Variants in VAX2 observed in about 807,000 individuals in gnomAD.
VAX2 encodes ventral anterior homeobox 2.
Under a neutral mutation model 12.5 loss-of-function variants are expected in VAX2, and 8 were observed. The observed-to-expected ratio is 0.64, with a 90% CI of 0.37 to 1.15. VAX2 has a LOEUF of 1.15. Ranked by LOEUF, VAX2 falls within the 50% of genes most tolerant of loss-of-function variation. The probability of loss-of-function intolerance (pLI) is 0.01; values close to 1 mark genes in which losing one functional copy is unlikely to be tolerated. For synonymous variants in VAX2, 183 were observed against 187.6 expected, an observed-to-expected ratio of 0.98 and a Z score of 0.20; for missense variants, 476 against 412.9, an observed-to-expected ratio of 1.15 and a Z score of -1.32.
At position 70,916,515 on chromosome 2, in the gene VAX2, A is replaced by T. The variant is rs992692125; in HGVS notation, c.248-4583A>T. On this transcript the variant is annotated intron_variant, in intron 1 of 2. Transcript: ENST00000234392. ...CACCACAAAGGAACTTCCTCTTACT[A>T]CTCATTGATGGCCAGGTCCTTCCTC... is the stretch of plus-strand genomic sequence containing the variant. Among the ~76,000 whole-genome samples the T allele has an allele frequency of 2.0e-5, 3 of 152,052 alleles. No individual in the cohort carries two copies. In the East Asian group the frequency reaches 5.8e-4, roughly 29 times the overall value.
At position 70,921,259 on chromosome 2, in the gene VAX2, C is replaced by A; in HGVS notation, c.409C>A (p.Arg137Ser). 1 of 1,611,024 alleles carries A rather than the reference C, an allele frequency of 6.2e-7. No individual in the cohort carries two copies. Among genetic ancestry groups the A allele is most frequent in the Non-Finnish European group, 8.5e-7 (1 of 1,178,946 alleles). Residue 137 changes from arginine to serine, a missense_variant, in exon 2 of 3, where the codon CGC (arginine) becomes AGC (serine). By Grantham distance (110) the Arg-to-Ser change is moderately radical (BLOSUM62 -1). Coordinates refer to ENST00000234392, the MANE Select transcript of VAX2 (RefSeq NM_012476.3). ...GGGCCGCGAGCGCACTGAGCTGGCC[C>A]GCCAGCTGAACCTCTCCGAGACCCA... ...VVGRERTELA[R>S]QLNLSETQVK...
At chr2:70,919,056 GC>G (rs1426330431) in intron 1 of VAX2, among the ~76,000 whole-genome samples, 4 of 151,388 alleles carry the variant, frequency 2.6e-5, no homozygotes, top group Non-Finnish European at 5.9e-5. Flanking sequence ...ACAAAAATTA[GC>G]CAGGCATGGT....
rs566985371 is a variant in VAX2, at chr2:70,932,837, C to A, written c.506C>A (p.Ala169Glu). ...KDQSRDLEKR[A>E]SSSASEAFAT... is the part of the protein sequence containing the mutation. ...CAGAGCAGAGACCTGGAGAAGCGGG[C>A]GTCCTCCTCAGCCTCCGAGGCCTTT... The change falls in exon 3 of 3, where the codon GCG becomes GAG. Residue 169 changes from alanine to glutamate, a missense_variant. Ala to Glu is a moderately radical substitution (Grantham distance 107). Transcript: ENST00000234392. 71 of 1,612,404 alleles carry A rather than the reference C, an allele frequency of 4.4e-5. No homozygotes were observed. Among genetic ancestry groups the A allele is most frequent in the Admixed American group, 1.0e-4 (6 of 59,848 alleles).
intron 1 of VAX2, among the ~76,000 whole-genome samples, chr2:70,917,668 T>C (rs1553412203): frequency 6.6e-6 from 1 of 152,210 alleles, no homozygotes; most frequent in African/African-American, 2.4e-5. Context: ...GTGGCAAGTC[T>C]GAGGTTGCCT....
At chr2:70,926,745 A>G (rs1198745323) in intron 2 of VAX2, among the ~76,000 whole-genome samples, 3 of 152,182 alleles carry the variant, frequency 2.0e-5, no homozygotes, top group Non-Finnish European at 4.4e-5. Flanking sequence ...TGACCAGATG[A>G]TGTGATCACC....
At chr2:70,917,382 CCATTTATTCTGGG>C (rs533632561) in intron 1 of VAX2, among the ~76,000 whole-genome samples, 206 of 151,436 alleles carry the variant, frequency 1.4e-3, no homozygotes, top group African/African-American at 4.7e-3. Flanking sequence ...GAATAAATGC[CCATTTATTCTGGG>C]CATTTATTCT....
chr2:70,904,973 GGGGGCGCAGCTTC>G lies in VAX2; in HGVS notation c.247+4111_247+4123del, dbSNP rs1553410401. On this transcript the variant is annotated intron_variant, in intron 1 of 2. Transcript: ENST00000234392. The surrounding 1 kb of genome is among the most constrained non-coding windows in gnomAD (Gnocchi z 4.2). ...AGACGCGTCTGAAGAAGCCATACAA[GGGGGCGCAGCTTC>G]GGGGCTCTGGCTGGGAGGTTACTGC... 6.6e-6 allele frequency among the ~76,000 whole-genome samples: 1 copy of G among 152,226 alleles called. No homozygotes were observed. The highest frequency in any genetic ancestry group is 2.4e-5 in the African/African-American group (1 of 41,468).
chr2:70,908,132 T>TAC (rs1679100272), intron 1 of VAX2, among the ~76,000 whole-genome samples: 1 of 152,262 alleles, frequency 6.6e-6, no homozygotes, highest in Non-Finnish European at 1.5e-5. Context: ...TCGAAAGATT[T>TAC]ACACACACAA....
chr2:70,919,067 T>C (rs1679380871), intron 1 of VAX2, among the ~76,000 whole-genome samples: 1 of 151,054 alleles, frequency 6.6e-6, no homozygotes, highest in African/African-American at 2.4e-5. Context: ...CCAGGCATGG[T>C]GGCGCACGCC....
At chr2:70,927,631 G>A (rs1172053561) in intron 2 of VAX2, among the ~76,000 whole-genome samples, 4 of 151,846 alleles carry the variant, frequency 2.6e-5, no homozygotes, top group Non-Finnish European at 5.9e-5. Flanking sequence ...ATTTGATATT[G>A]ACCATGAGCC....
At chr2:70,920,674 G>T (rs1160435148) in intron 1 of VAX2, among the ~76,000 whole-genome samples, 2 of 151,284 alleles carry the variant, frequency 1.3e-5, no homozygotes, top group Admixed American at 1.3e-4. Context: ...CACACGCACA[G>T]CTTAGGACCT....
At chr2:70,909,940 C>A (rs1679146107) in intron 1 of VAX2, among the ~76,000 whole-genome samples, 1 of 152,038 alleles carries the variant, frequency 6.6e-6, no homozygotes, top group South Asian at 2.1e-4. Context: ...GCAACACCTA[C>A]CTCATTTATA....
intron 2 of VAX2, among the ~76,000 whole-genome samples, chr2:70,928,057 T>C (rs1679612078): frequency 6.6e-6 from 1 of 152,208 alleles, no homozygotes; most frequent in South Asian, 2.1e-4. Context: ...GAGAAGAGGA[T>C]GAACCTGAGA....
chr2:70,919,912 A>C (rs1296141679), intron 1 of VAX2, among the ~76,000 whole-genome samples: 2 of 152,242 alleles, frequency 1.3e-5, no homozygotes, highest in African/African-American at 4.8e-5. Flanking sequence ...TGACTGGCCC[A>C]GAGCAAGTAC....
At chr2:70,930,960 T>C (rs35791459) in intron 2 of VAX2, among the ~76,000 whole-genome samples, 3,470 of 152,294 alleles carry the variant, frequency 0.023, 50 homozygotes, top group Non-Finnish European at 0.032. Flanking sequence ...GGTGCTCCCA[T>C]GGTGGCCTCC....
chr2:70,922,999 G>A (rs555758567), intron 2 of VAX2, among the ~76,000 whole-genome samples: 11 of 148,744 alleles, frequency 7.4e-5, no homozygotes, highest in East Asian at 6.1e-4. Flanking sequence ...TCCACATGGC[G>A]TGACCTGGAG....
chr2:70,921,042 G>A, intron 1 of VAX2, 56 bp from the exon 2 acceptor site: 3 of 1,466,774 alleles, frequency 2.0e-6, no homozygotes, highest in Non-Finnish European at 2.7e-6. Flanking sequence ...GATGCTTTCT[G>A]GTGATCTAAC....
chr2:70,922,647 C>T (rs554891250), intron 2 of VAX2, among the ~76,000 whole-genome samples: 2 of 145,782 alleles, frequency 1.4e-5, no homozygotes, highest in South Asian at 2.3e-4. Flanking sequence ...AGGGGCAGGC[C>T]GGGAGGAGGG....
intron 1 of VAX2, among the ~76,000 whole-genome samples, chr2:70,902,147 ACTACCTCT>A (rs1227909413): frequency 2.6e-5 from 4 of 152,200 alleles, no homozygotes; most frequent in African/African-American, 7.2e-5. Flanking sequence ...CCAGTTGGGC[ACTACCTCT>A]CTGCGGCTGC....
Sources: allele counts gnomAD v4.1 joint callset (sites outside exome capture counted in the v4.1 genomes callset), GRCh38; gene constraint gnomAD v4.1.1; non-coding constraint Gnocchi (gnomAD v3.1); transcripts MANE v1.5; gene names NCBI Gene and HGNC (gene_info 2026-07-23, HGNC 2026-07-21).